The following PCSK1 variants were observed in gnomAD, a reference collection of about 807,000 sequenced individuals.
PCSK1 encodes the protein proprotein convertase subtilisin/kexin type 1.
PCSK1 carries 56 observed loss-of-function variants against 90.6 expected under a neutral mutation model. That is an observed-to-expected ratio of 0.62 (90% CI 0.50 to 0.77). The LOEUF is 0.77. PCSK1 is among the 30% of genes least tolerant of loss of function. The probability of loss-of-function intolerance (pLI) is 0.00; values close to 1 mark genes in which losing one functional copy is unlikely to be tolerated. For missense variants in PCSK1, 801 were observed against 932.6 expected (o/e 0.86, Z 1.84); for synonymous variants, 348 against 342.4 (o/e 1.02, Z -0.18).
intron 3 of PCSK1, among the ~76,000 whole-genome samples, chr5:96,424,579 A>T (rs1035041132): frequency 2.0e-5 from 3 of 152,240 alleles, no homozygotes; most frequent in African/African-American, 7.2e-5. Context: ...ATTAATTCAT[A>T]TCAAACATTT....
chr5:96,416,805 C>A (rs1366073202), intron 5 of PCSK1, among the ~76,000 whole-genome samples: 1 of 152,158 alleles, frequency 6.6e-6, no homozygotes, highest in Non-Finnish European at 1.5e-5. Context: ...TGCAGTCAAG[C>A]AAAGAGGGTA....
intron 13 of PCSK1, 23 bp from the exon 14 acceptor site, chr5:96,393,401 C>T (rs758849908): frequency 1.2e-6 from 2 of 1,612,932 alleles, no homozygotes; most frequent in Admixed American, 3.3e-5. Context: ...ATGCCATCCA[C>T]AAAGGGAAGA....
intron 1 of PCSK1, among the ~76,000 whole-genome samples, chr5:96,431,496 C>G (rs759430692): frequency 2.0e-5 from 3 of 152,134 alleles, no homozygotes; most frequent in Non-Finnish European, 4.4e-5. Context: ...CTAAGCTAGT[C>G]TCCTCTAGAT....
At chr5:96,425,012 G>GAAAGA (rs1761245882) in intron 3 of PCSK1, among the ~76,000 whole-genome samples, 1 of 19,738 alleles carries the variant, frequency 5.1e-5, no homozygotes. Flanking sequence ...AGAAAGAAAA[G>GAAAGA]AAAGAAAGAA....
At chr5:96,424,991 A>T (rs1561376117) in intron 3 of PCSK1, among the ~76,000 whole-genome samples, 10 of 139,662 alleles carry the variant, frequency 7.2e-5, no homozygotes, top group African/African-American at 3.0e-4. Flanking sequence ...GAAAGAAAGA[A>T]AGAAAGAGAA....
At chr5:96,425,008 AAAAGAAAGAAAGAAAGAAAGAAAG>A (rs200406743) in intron 3 of PCSK1, among the ~76,000 whole-genome samples, 19,172 of 117,356 alleles carry the variant, frequency 0.16, 1,621 homozygotes, top group Non-Finnish European at 0.19. Flanking sequence ...AGAAAGAAAG[AAAAGAAAGAAAGAAAGAAAGAAAG>A]AAAGAAAGAA....
chr5:96,395,296 G>C (rs1423815535), intron 12 of PCSK1, among the ~76,000 whole-genome samples: 1 of 152,124 alleles, frequency 6.6e-6, no homozygotes, highest in Admixed American at 6.5e-5. Flanking sequence ...ATGTGTTCTT[G>C]GAAAGCTGAC....
chr5:96,430,816 T>TATTTTG (rs1220868697), intron 1 of PCSK1, among the ~76,000 whole-genome samples: 1 of 152,174 alleles, frequency 6.6e-6, no homozygotes, highest in East Asian at 1.9e-4. Context: ...TATAGATGGT[T>TATTTTG]TTCCCCCACT....
intron 9 of PCSK1, among the ~76,000 whole-genome samples, chr5:96,404,276 G>A (rs1321172317): frequency 2.6e-5 from 4 of 152,134 alleles, no homozygotes; most frequent in African/African-American, 9.7e-5. Context: ...GCATTAAAAA[G>A]TGCCTGGGAG....
chr5:96,421,279 G>T (rs892693598), intron 5 of PCSK1, among the ~76,000 whole-genome samples: 1 of 152,188 alleles, frequency 6.6e-6, no homozygotes, highest in Non-Finnish European at 1.5e-5. Context: ...TGGGAGTCGG[G>T]TGCTGTCTCC....
At chr5:96,421,659 AT>A (rs1450629907) in intron 5 of PCSK1, among the ~76,000 whole-genome samples, 1 of 152,188 alleles carries the variant, frequency 6.6e-6, no homozygotes, top group Non-Finnish European at 1.5e-5. Flanking sequence ...GAATTTCATA[AT>A]GTAAGAAGTT....
chr5:96,399,092 T>A, intron 10 of PCSK1, 56 bp from the exon 11 acceptor site: 1 of 1,301,674 alleles, frequency 7.7e-7, no homozygotes. Flanking sequence ...TCCTTGCATT[T>A]TATGCATATC....
At chr5:96,415,945 A>G (rs532966288) in intron 6 of PCSK1, 88 bp downstream of exon 6, 1 of 856,388 alleles carries the variant, frequency 1.2e-6, no homozygotes, top group South Asian at 1.3e-5. Context: ...CCAGTTGTTA[A>G]AAAGAAAAGC....
At chr5:96,406,113 A>T (rs1323022405) in intron 9 of PCSK1, among the ~76,000 whole-genome samples, 3 of 152,126 alleles carry the variant, frequency 2.0e-5, no homozygotes, top group Non-Finnish European at 2.9e-5. Flanking sequence ...TGACATTTTC[A>T]ATCTCAACTC....
chr5:96,425,695 A>G (rs1761283915), intron 3 of PCSK1, 125 bp downstream of exon 3: 1 of 685,206 alleles, frequency 1.5e-6, no homozygotes, highest in African/African-American at 1.8e-5. Flanking sequence ...CCTAATCTCC[A>G]GACAATATAG....
intron 5 of PCSK1, 138 bp from the exon 6 acceptor site, chr5:96,416,259 G>T (rs966374453): frequency 2.9e-6 from 2 of 684,922 alleles, no homozygotes; most frequent in Non-Finnish European, 2.7e-6. Context: ...TTTTAAATTA[G>T]TATAACATAA....
chr5:96,413,355 C>T (rs1760833833), intron 6 of PCSK1, among the ~76,000 whole-genome samples: 2 of 152,162 alleles, frequency 1.3e-5, no homozygotes, highest in African/African-American at 4.8e-5. Flanking sequence ...AGATTACAGG[C>T]AGCTACCTGG....
At chr5:96,395,606 C>T (rs1425949278) in intron 12 of PCSK1, among the ~76,000 whole-genome samples, 4 of 151,922 alleles carry the variant, frequency 2.6e-5, no homozygotes, top group Non-Finnish European at 1.5e-5. Context: ...AACATATGGG[C>T]ACAGGGAGGG....
intron 5 of PCSK1, among the ~76,000 whole-genome samples, chr5:96,416,410 A>G (rs1472595546): frequency 6.6e-6 from 1 of 152,214 alleles, no homozygotes; most frequent in African/African-American, 2.4e-5. Context: ...ATTATATGTA[A>G]AACACTTAGA....
Sources: gnomAD v4.1 joint callset for allele counts (sites outside exome capture counted in the v4.1 genomes callset) on GRCh38, gnomAD v4.1.1 for gene constraint, MANE v1.5 for transcripts, NCBI Gene and HGNC (gene_info 2026-07-23, HGNC 2026-07-21) for gene names.